MBD5: variants seen among roughly 807,000 people sequenced by gnomAD.
MBD5 encodes methyl-CpG-binding domain protein 5.
Under a neutral mutation model 117.3 loss-of-function variants are expected in MBD5, and 13 were observed. The observed-to-expected ratio is 0.11, with a 90% CI of 0.07 to 0.18. The LOEUF (loss-of-function observed/expected upper bound fraction) is 0.18, where lower values mean the gene tolerates loss of function less well. Among genes scored for constraint, MBD5 ranks in the 10% least tolerant of loss-of-function variants. The pLI, the probability that MBD5 is intolerant of heterozygous loss-of-function variation, is 1.00. For synonymous variants in MBD5, 727 were observed against 766.4 expected (o/e 0.95, Z 0.85); for missense variants, 1,879 against 2,093.8 (o/e 0.90, Z 2.00).
Position 148,490,205 on chromosome 2 carries a change from G to T in MBD5, c.4573G>T (p.Gly1525Trp), listed in dbSNP as rs1258885082. 3.1e-6 allele frequency: 5 copies of T among 1,614,146 alleles called. No individual in the cohort carries two copies. Among genetic ancestry groups the T allele is most frequent in the Non-Finnish European group, 4.2e-6 (5 of 1,180,016 alleles). Residue 1525 changes from glycine to tryptophan, a missense_variant, in exon 11 of 14, where the codon GGG becomes TGG. Gly to Trp is a radical substitution (Grantham distance 184). Around this residue, in one of 4 missense-constraint regions of MBD5, gnomAD observed 1,666 missense variants for 1,792.2 expected, o/e 0.93. Transcript: ENST00000642680. ...NTVERCAHIN[G>W]NRPRQSRGFG... ...TGTGGAAAGATGTGCACACATAAATGGGAATAGACCTCGACAGAGTCGGGG... is the reference window on the plus strand; with the variant it reads ...TGTGGAAAGATGTGCACACATAAATTGGAATAGACCTCGACAGAGTCGGGG...
Position 148,490,101 on chromosome 2 carries a change from A to T in MBD5, c.4469A>T (p.Asp1490Val). Residue 1490 changes from aspartate to valine, a missense_variant, in exon 11 of 14, where the codon GAT becomes GTT. Physicochemically the swap from Asp to Val is radical, Grantham distance 152. Transcript: ENST00000642680. ...ILLPPRNCPGDKILEENFRYN... is the reference protein window; with the variant it reads ...ILLPPRNCPGVKILEENFRYN... ...TTACCACCAAGAAACTGTCCAGGGG[A>T]TAAAATTCTAGAGGAAAATTTCAGG... 1.2e-6 allele frequency: 2 copies of T among 1,614,126 alleles called. No homozygotes were observed. The highest frequency in any genetic ancestry group is 1.7e-6 in the Non-Finnish European group (2 of 1,180,022).
At chr2:148,373,233 A>G (rs1022572723) in intron 4 of MBD5, among the ~76,000 whole-genome samples, 30 of 152,238 alleles carry the variant, frequency 2.0e-4, no homozygotes, top group African/African-American at 6.7e-4. Flanking sequence ...GAGGGAAGGG[A>G]TATCTTTGAT....
rs185444784 is a variant in MBD5 at position 148,197,650 on chromosome 2, G to A, written c.-831+18857G>A. Among the ~76,000 whole-genome samples the A allele has an allele frequency of 3.6e-4, 55 of 152,152 alleles. 2 individuals are homozygous for A. The East Asian group carries it at 8.5e-3, about 24-fold the overall frequency. ...AATGGTTACGTATTCTATTAATAAAGTATGATGCTTCATTCTTCTGTGCTT... is the reference window on the plus strand; with the variant it reads ...AATGGTTACGTATTCTATTAATAAAATATGATGCTTCATTCTTCTGTGCTT... On this transcript the variant is annotated intron_variant, in intron 2 of 13. Coordinates refer to ENST00000642680, the MANE Select transcript of MBD5 (RefSeq NM_001378120.1).
intron 4 of MBD5, among the ~76,000 whole-genome samples, chr2:148,362,996 A>G (rs1703585808): frequency 6.6e-6 from 1 of 152,176 alleles, no homozygotes; most frequent in Non-Finnish European, 1.5e-5. Flanking sequence ...CACCAACACA[A>G]AGACCAAAGG....
At position 148,321,309 on chromosome 2, in the gene MBD5, A is replaced by T. The variant is rs188462880; in HGVS notation, c.-679-20905A>T. Among the ~76,000 whole-genome samples, 10 of 147,820 alleles carry T rather than the reference A, an allele frequency of 6.8e-5. No individual in the cohort carries two copies. The East Asian group carries it at 2.0e-3, about 29-fold the overall frequency. On this transcript the variant is annotated intron_variant, in intron 3 of 13. Transcript: ENST00000642680. ...TAACACTAATGATAGCTGATGAACTAAAAAAAAAAATTGCCAAAAAATCAT... is the reference window on the plus strand; with the variant it reads ...TAACACTAATGATAGCTGATGAACTTAAAAAAAAAATTGCCAAAAAATCAT...
chr2:148,127,012 T>C (rs905169652), intron 1 of MBD5, among the ~76,000 whole-genome samples: 1 of 150,342 alleles, frequency 6.7e-6, no homozygotes, highest in Non-Finnish European at 1.5e-5. Flanking sequence ...AGTCTTGCTC[T>C]GTCTCCCAGG....
rs186753802 is a variant in MBD5 at position 148,045,719 on chromosome 2, C to T, written c.-925+24035C>T. Among the ~76,000 whole-genome samples the T allele has an allele frequency of 5.6e-3, 845 of 152,162 alleles. 8 individuals are homozygous for T. The highest frequency in any genetic ancestry group is 0.01 in the Middle Eastern group (3 of 294). On this transcript the variant is annotated intron_variant, in intron 1 of 13. Transcript: ENST00000642680. ...CAAGTGTACTGGAGACTAATTGCTC[C>T]AAGATAAAAGGCAGATAGACTGTTA...
Position 148,356,783 on chromosome 2 carries a change from G to A in MBD5, c.-557+14447G>A, listed in dbSNP as rs1574328687. Among the ~76,000 whole-genome samples, 4 of 151,682 alleles carry A rather than the reference G, an allele frequency of 2.6e-5. No individual in the cohort carries two copies. The South Asian group carries it at 8.3e-4, about 32-fold the overall frequency. ...TCCTTTTCTTCCCCCTTTTCCTTGG[G>A]AACTGCTCTTCCAGAGTCTTGACAT... On this transcript the variant is annotated intron_variant, in intron 4 of 13. Transcript: ENST00000642680.
intron 1 of MBD5, among the ~76,000 whole-genome samples, chr2:148,085,667 T>C (rs988537045): frequency 1.3e-5 from 2 of 150,292 alleles, no homozygotes; most frequent in Admixed American, 6.6e-5. Context: ...GAGCTTGCAG[T>C]GAGCCGAGAT....
chr2:148,505,880 T>G (rs1025259319), intron 12 of MBD5, among the ~76,000 whole-genome samples: 23 of 152,320 alleles, frequency 1.5e-4, no homozygotes, highest in African/African-American at 5.5e-4. Context: ...TTCATAGCTG[T>G]GTGTTCGTAA....
At chr2:148,456,908 T>A (rs1024268315) in intron 4 of MBD5, among the ~76,000 whole-genome samples, 12 of 152,170 alleles carry the variant, frequency 7.9e-5, no homozygotes, top group African/African-American at 2.9e-4. Context: ...TGGCCTTTAC[T>A]GCAAGGTGGT....
intron 3 of MBD5, among the ~76,000 whole-genome samples, chr2:148,340,155 G>A (rs747288623): frequency 6.6e-6 from 1 of 152,060 alleles, no homozygotes; most frequent in Non-Finnish European, 1.5e-5. Flanking sequence ...GACAAGCCAG[G>A]GTTCTCAAGT....
intron 1 of MBD5, among the ~76,000 whole-genome samples, chr2:148,137,967 G>A (rs936618020): frequency 1.3e-5 from 2 of 152,048 alleles, no homozygotes; most frequent in African/African-American, 4.8e-5. Context: ...GCATGATGAC[G>A]GAATTGCCTA....
intron 4 of MBD5, among the ~76,000 whole-genome samples, chr2:148,353,331 G>T (rs73965354): frequency 1.3e-5 from 2 of 152,184 alleles, no homozygotes; most frequent in Admixed American, 6.5e-5. Flanking sequence ...TAAAACATGC[G>T]CATGGTTAAA....
At chr2:148,203,702 C>T (rs1208337243) in intron 2 of MBD5, among the ~76,000 whole-genome samples, 1 of 152,186 alleles carries the variant, frequency 6.6e-6, no homozygotes, top group Non-Finnish European at 1.5e-5. Flanking sequence ...GTCTGTGGAT[C>T]CTTTATGTAG....
chr2:148,322,318 A>G (rs753661070), intron 3 of MBD5, among the ~76,000 whole-genome samples: 11 of 152,258 alleles, frequency 7.2e-5, no homozygotes, highest in Non-Finnish European at 1.3e-4. Context: ...CTTGTTGTAC[A>G]TAACTTACTA....
intron 8 of MBD5, among the ~76,000 whole-genome samples, chr2:148,479,926 A>C (rs1480542448): frequency 1.3e-5 from 2 of 151,898 alleles, no homozygotes; most frequent in Non-Finnish European, 2.9e-5. Flanking sequence ...TGAGCTTTAC[A>C]TTTTTCTAGT....
chr2:148,265,894 G>C (rs900510714), intron 3 of MBD5, among the ~76,000 whole-genome samples: 1 of 151,626 alleles, frequency 6.6e-6, no homozygotes, highest in African/African-American at 2.4e-5. Context: ...AGTATGTGAG[G>C]TGGCAGGCTG....
chr2:148,352,860 G>T (rs139410489), intron 4 of MBD5, among the ~76,000 whole-genome samples: 2 of 152,170 alleles, frequency 1.3e-5, no homozygotes, highest in Admixed American at 1.3e-4. Flanking sequence ...TTCTTTTGAA[G>T]TGATAACATA....
Sources: allele counts gnomAD v4.1 joint callset (sites outside exome capture counted in the v4.1 genomes callset), GRCh38; gene constraint gnomAD v4.1.1; regional missense constraint gnomAD v4.1.1; transcripts MANE v1.5; gene names NCBI Gene and HGNC (gene_info 2026-07-23, HGNC 2026-07-21).